The following PLAAT1 variants were observed in gnomAD, a reference collection of about 807,000 sequenced individuals.
PLAAT1 encodes H-REV107 protein-related protein.
A neutral mutation model predicts 16.4 loss-of-function variants in PLAAT1; 13 were observed. That is an observed-to-expected ratio of 0.79 (90% CI 0.52 to 1.26). The LOEUF is 1.26. Among genes scored for constraint, PLAAT1 ranks in the 50% most tolerant of loss-of-function variants. The probability of loss-of-function intolerance (pLI) is 0.00; values close to 1 mark genes in which losing one functional copy is unlikely to be tolerated. For missense variants in PLAAT1, 218 were observed against 207.8 expected, an observed-to-expected ratio of 1.05 and a Z score of -0.30; for synonymous variants, 73 against 78.4, an observed-to-expected ratio of 0.93 and a Z score of 0.36.
At chr3:193,258,523 GA>G in intron 2 of PLAAT1, among the ~76,000 whole-genome samples, 1 of 151,846 alleles carries the variant, frequency 6.6e-6, no homozygotes, top group East Asian at 1.9e-4. Context: ...ATTAACAAAG[GA>G]AAAAAGATCC....
downstream of PLAAT1, among the ~76,000 whole-genome samples, chr3:193,271,930 G>A (rs1013653539): frequency 6.6e-6 from 1 of 152,066 alleles, no homozygotes; most frequent in Non-Finnish European, 1.5e-5. Context: ...AGGCCACAGA[G>A]ACCCTATATC....
At chr3:193,271,728 C>A (rs1716986260), downstream of PLAAT1, among the ~76,000 whole-genome samples, 6 of 152,184 alleles carry the variant, frequency 3.9e-5, no homozygotes, top group South Asian at 1.2e-3. Context: ...AGGAAATGTT[C>A]AAGTTAATAT....
chr3:193,262,695 A>G (rs1310594437), intron 2 of PLAAT1, among the ~76,000 whole-genome samples: 1 of 152,246 alleles, frequency 6.6e-6, no homozygotes, highest in East Asian at 1.9e-4. Flanking sequence ...TTTATTTTCC[A>G]AGGATGAGTA....
chr3:193,256,238 A>G (rs1716368882), intron 2 of PLAAT1, among the ~76,000 whole-genome samples: 1 of 152,188 alleles, frequency 6.6e-6, no homozygotes, highest in South Asian at 2.1e-4. Flanking sequence ...ACCATGAGCA[A>G]GTTACAGAAA....
At chr3:193,258,923 G>T (rs955905890) in intron 2 of PLAAT1, among the ~76,000 whole-genome samples, 1 of 152,034 alleles carries the variant, frequency 6.6e-6, no homozygotes, top group African/African-American at 2.4e-5. Context: ...GCATCATCCT[G>T]ATACCAAAAT....
chr3:193,241,594 C>A, intron 1 of PLAAT1, 61 bp downstream of exon 1: 3 of 1,168,124 alleles, frequency 2.6e-6, no homozygotes, highest in Middle Eastern at 3.2e-4. Context: ...GTGTTCTAAC[C>A]AACTGGCAAG....
intron 1 of PLAAT1, among the ~76,000 whole-genome samples, chr3:193,248,058 C>G (rs1344405356): frequency 6.6e-6 from 1 of 152,162 alleles, no homozygotes; most frequent in Non-Finnish European, 1.5e-5. Context: ...CTCATCAGAT[C>G]TATTAATATT....
Position 193,270,571 on chromosome 3 carries a change from TG to T in PLAAT1, c.406-32del, listed in dbSNP as rs10937576. 3.8e-3 allele frequency: 6,049 copies of T among 1,599,226 alleles called. 169 individuals carry two copies. The African/African-American group carries it at 0.071, about 19-fold the overall frequency. On this transcript the variant is annotated intron_variant, in intron 3 of 3. Transcript: ENST00000264735. The stretch of plus-strand genomic sequence containing the variant: ...GGACACAGATGTCTTTAGAATATGA[TG>T]TGTTTTTTGTTTACTTCTTGTTTCC...
chr3:193,245,233 C>T (rs553327502), intron 1 of PLAAT1, among the ~76,000 whole-genome samples: 28 of 152,270 alleles, frequency 1.8e-4, no homozygotes, highest in African/African-American at 6.7e-4. Context: ...TGGTAATGAC[C>T]TCTGTACTCT....
In PLAAT1 at chr3:193,258,604, G is replaced by A. The variant is rs115526284; in HGVS notation, c.139+2815G>A. Among the ~76,000 whole-genome samples the A allele has an allele frequency of 1.0e-2, 1,516 of 152,166 alleles. 12 individuals are homozygous for A. Among genetic ancestry groups the A allele is most frequent in the Middle Eastern group, 0.027 (8 of 294 alleles). ...CCTACAGAAATACAGAAGGTCCCTAGAGACTATTATGAACACTTCTATAAT... is the reference window on the plus strand; with the variant it reads ...CCTACAGAAATACAGAAGGTCCCTAAAGACTATTATGAACACTTCTATAAT... On this transcript the variant is annotated intron_variant, in intron 2 of 3. Transcript: ENST00000264735.
intron 1 of PLAAT1, among the ~76,000 whole-genome samples, chr3:193,248,008 A>G (rs113922731): frequency 1.2e-4 from 18 of 152,184 alleles, no homozygotes; most frequent in African/African-American, 2.9e-4. Flanking sequence ...GATCTGTCCA[A>G]TGTTGAAAGC....
At chr3:193,243,724 G>C (rs1279376429) in intron 1 of PLAAT1, among the ~76,000 whole-genome samples, 1 of 152,136 alleles carries the variant, frequency 6.6e-6, no homozygotes. Flanking sequence ...CTTTAGGTCT[G>C]GCACTTAACT....
chr3:193,258,487 T>TG (rs1314427176), intron 2 of PLAAT1, among the ~76,000 whole-genome samples: 1 of 25,618 alleles, frequency 3.9e-5, no homozygotes, highest in Non-Finnish European at 6.0e-5. Context: ...TTTGAAAGGA[T>TG]AAATGATTGA....
intron 1 of PLAAT1, among the ~76,000 whole-genome samples, chr3:193,246,399 C>G (rs147386599): frequency 4.0e-4 from 61 of 152,238 alleles, no homozygotes; most frequent in Middle Eastern, 3.4e-3. Context: ...GAGTCTTACT[C>G]TGTCACCCAA....
At chr3:193,266,401 A>G (rs536023316) in intron 3 of PLAAT1, among the ~76,000 whole-genome samples, 14 of 152,336 alleles carry the variant, frequency 9.2e-5, no homozygotes, top group Middle Eastern at 3.4e-3. Context: ...TTATTTGACT[A>G]TAACTTGCAA....
At position 193,263,221 on chromosome 3, in the gene PLAAT1, G is replaced by A. The variant is rs145159791; in HGVS notation, c.391G>A (p.Gly131Arg). ...HFVTLLRYGE[G>R]VSEQANRAIS... Reference sequence around the variant, plus strand: ...TGTGACATTGCTTCGCTATGGAGAAGGAGTTTCAGAGCAGGTAAGTTTTCT... The same window carrying A: ...TGTGACATTGCTTCGCTATGGAGAAAGAGTTTCAGAGCAGGTAAGTTTTCT... The change falls in exon 3 of 4, where the codon GGA becomes AGA. Residue 131 changes from glycine (G) to arginine (R), a missense_variant. Transcript: ENST00000264735. The A allele has an allele frequency of 4.1e-4, 664 of 1,613,880 alleles. 3 individuals are homozygous for A. The East Asian group carries it at 8.9e-3, about 22-fold the overall frequency.
intron 2 of PLAAT1, among the ~76,000 whole-genome samples, chr3:193,261,832 A>C (rs1716593978): frequency 6.6e-6 from 1 of 152,152 alleles, no homozygotes; most frequent in Admixed American, 6.5e-5. Flanking sequence ...TAATTTTTGC[A>C]TGTGGTTATT....
intron 3 of PLAAT1, among the ~76,000 whole-genome samples, chr3:193,270,069 A>AATACACACAC (rs34199975): frequency 0.03 from 4,397 of 147,944 alleles, 190 homozygotes; most frequent in African/African-American, 0.097. Context: ...ACATCCCTGA[A>AATACACACAC]ACACACACAC....
At chr3:193,280,447 C>T (rs1429493061), downstream of PLAAT1, among the ~76,000 whole-genome samples, 1 of 152,178 alleles carries the variant, frequency 6.6e-6, no homozygotes, top group African/African-American at 2.4e-5. Flanking sequence ...TCATATTCTG[C>T]TTTGCATGAT....
Sources: gnomAD v4.1 joint callset for allele counts (sites outside exome capture counted in the v4.1 genomes callset) on GRCh38, gnomAD v4.1.1 for gene constraint, MANE v1.5 for transcripts, NCBI Gene and HGNC (gene_info 2026-07-23, HGNC 2026-07-21) for gene names.